Variants in GPRIN1 observed in about 807,000 individuals in gnomAD.
The protein encoded by GPRIN1 is G protein regulated inducer of neurite outgrowth 1.
GPRIN1 carries 4 observed loss-of-function variants against 2.8 expected under a neutral mutation model. That is an observed-to-expected ratio of 1.45 (90% CI 0.71 to 3.32). GPRIN1 has a LOEUF of 3.32. Ranked by LOEUF, GPRIN1 falls within the 30% of genes most tolerant of loss-of-function variation. The pLI, the probability that GPRIN1 is intolerant of heterozygous loss-of-function variation, is 0.01. For missense variants in GPRIN1, 1,322 were observed against 1,343.4 expected (o/e 0.98, Z 0.25); for synonymous variants, 589 against 589.9 (o/e 1.00, Z 0.02).
At position 176,597,221 on chromosome 5, in the gene GPRIN1, C is replaced by A; in HGVS notation, c.2614G>T (p.Ala872Ser). 2 of 1,267,532 alleles carry A rather than the reference C, an allele frequency of 1.6e-6. No individual in the cohort carries two copies. Among genetic ancestry groups the A allele is most frequent in the Non-Finnish European group, 2.0e-6 (2 of 1,007,460 alleles). The allele number at this position is 1,267,532 out of a possible 1,614,324, so 78.5% of individuals were successfully genotyped here. Residue 872 changes from alanine to serine, a missense_variant, in exon 2 of 2, where the codon GCC (alanine) becomes TCC (serine). This residue lies in a region of GPRIN1 where 1,117 missense variants were observed against 1,128.6 expected (regional missense o/e 0.99). Transcript: ENST00000303991. This position sits in a 1 kb window ranked among gnomAD's most constrained non-coding sequence, Gnocchi z 6.1. The stretch of plus-strand genomic sequence containing the variant: ...GCTTGAGGTGTCATGGGCCCAGTGG[C>A]CACGGAGCGCGTCTCGGCGGCGCCC... Reference protein sequence around the residue: ...SLGAAETRSVATGPMTPQAAA... With the variant: ...SLGAAETRSVSTGPMTPQAAA...
In GPRIN1 at chr5:176,597,411, C is replaced by G. The variant is rs1276915404; in HGVS notation, c.2424G>C (p.Pro808=). The stretch of plus-strand genomic sequence containing the variant: ...CCGCCTGAGTGCCCGCGTCCTCGCG[C>G]GGCGGCGGCGGGGCGCTCGCCTCCC... ...PSWEASAPPP[P]REDAGTQAGA... is the part of the protein sequence containing the mutation. Residue 808 remains proline (P), a synonymous_variant, in exon 2 of 2, where the codon CCG becomes CCC. Coordinates refer to ENST00000303991, the MANE Select transcript of GPRIN1 (RefSeq NM_052899.3). This position sits in a 1 kb window ranked among gnomAD's most constrained non-coding sequence, Gnocchi z 6.1. 7.8e-7 allele frequency: 1 copy of G among 1,286,118 alleles called. No individual in the cohort carries two copies. Among genetic ancestry groups the G allele is most frequent in the Non-Finnish European group, 9.8e-7 (1 of 1,021,100 alleles). 79.7% of individuals were successfully genotyped at this position (1,286,118 alleles called of 1,614,324 possible). A position where few individuals can be genotyped will look rare whatever the true frequency, so the allele number is the denominator to read the frequency against.
chr5:176,598,312 G>A lies in GPRIN1; in HGVS notation c.1523C>T (p.Ala508Val). The change falls in exon 2 of 2, where the codon GCA becomes GTA. Residue 508 changes from alanine to valine, a missense_variant. Coordinates refer to ENST00000303991, the MANE Select transcript of GPRIN1 (RefSeq NM_052899.3). Reference protein sequence around the residue: ...RSLGTAGPPSAVKAEPATGGK... With the variant: ...RSLGTAGPPSVVKAEPATGGK... Reference sequence around the variant, plus strand: ...CCCCGTCGCTGGCTCAGCCTTTACTGCAGATGGGGGACCTGCTGTCCCCAA... The same window carrying A: ...CCCCGTCGCTGGCTCAGCCTTTACTACAGATGGGGGACCTGCTGTCCCCAA... 6.2e-7 allele frequency: 1 copy of A among 1,613,824 alleles called. No individual in the cohort carries two copies. Among genetic ancestry groups the A allele is most frequent in the Non-Finnish European group, 8.5e-7 (1 of 1,179,830 alleles).
At chr5:176,609,766 G>T (rs1759282556) in intron 1 of GPRIN1, among the ~76,000 whole-genome samples, 1 of 151,152 alleles carries the variant, frequency 6.6e-6, no homozygotes, top group South Asian at 2.1e-4. Context: ...CAGGGCTGCG[G>T]GACCCGCCCC....
Position 176,610,012 on chromosome 5 carries a change from T to TGCTCCGGCTCCTGGGCGAGATGC in GPRIN1, c.-80_-58dup. 3 of 152,392 alleles carry TGCTCCGGCTCCTGGGCGAGATGC rather than the reference T, an allele frequency of 2.0e-5. No homozygotes were observed. Among genetic ancestry groups the TGCTCCGGCTCCTGGGCGAGATGC allele is most frequent in the African/African-American group, 4.8e-5 (2 of 41,246 alleles). 9.4% of individuals were successfully genotyped at this position (152,392 alleles called of 1,614,324 possible). ...CGCGGCGCTTACCAGGCAGTGCCGC[T>TGCTCCGGCTCCTGGGCGAGATGC]GCTCCGGCTCCTGGGCGAGATGCGC... On this transcript the variant is annotated 5_prime_UTR_variant, in exon 1 of 2. Coordinates refer to ENST00000303991, the MANE Select transcript of GPRIN1 (RefSeq NM_052899.3).
At position 176,608,638 on chromosome 5, in the gene GPRIN1, G is replaced by T. The variant is rs1479116762; in HGVS notation, c.-44+1361C>A. Among the ~76,000 whole-genome samples the T allele has an allele frequency of 2.6e-5, 4 of 152,340 alleles. No individual in the cohort carries two copies. In the East Asian group the frequency reaches 7.7e-4, roughly 29 times the overall value. ...GTTTGTGCCTCGTGGGGGCTACTTGGACCCTGTGGGTATCTCACTCCTAGG... is the reference window on the plus strand; with the variant it reads ...GTTTGTGCCTCGTGGGGGCTACTTGTACCCTGTGGGTATCTCACTCCTAGG... On this transcript the variant is annotated intron_variant, in intron 1 of 1. Coordinates refer to ENST00000303991, the MANE Select transcript of GPRIN1 (RefSeq NM_052899.3).
At chr5:176,600,944 AAAT>A (rs1759140538) in intron 1 of GPRIN1, among the ~76,000 whole-genome samples, 1 of 152,176 alleles carries the variant, frequency 6.6e-6, no homozygotes, top group Admixed American at 6.5e-5. Context: ...AAATTAATAA[AAAT>A]AATAAAGGGA....
intron 1 of GPRIN1, among the ~76,000 whole-genome samples, chr5:176,606,313 G>A (rs545298070): frequency 2.0e-5 from 3 of 152,342 alleles, no homozygotes; most frequent in South Asian, 4.1e-4. Context: ...GCTCCCAGGA[G>A]GGGGCAGGGG....
intron 1 of GPRIN1, among the ~76,000 whole-genome samples, chr5:176,604,348 G>A (rs555788282): frequency 3.2e-4 from 49 of 152,176 alleles, no homozygotes; most frequent in Non-Finnish European, 6.5e-4. Context: ...GCATGGTGGA[G>A]GAGGGGGGTT....
chr5:176,600,775 G>A (rs953211766), intron 1 of GPRIN1, among the ~76,000 whole-genome samples: 3 of 152,118 alleles, frequency 2.0e-5, no homozygotes, highest in Non-Finnish European at 4.4e-5. Flanking sequence ...AATTAGCCAG[G>A]TGTGGTGGTG....
At chr5:176,609,760 G>A (rs1035105826) in intron 1 of GPRIN1, among the ~76,000 whole-genome samples, 3 of 151,408 alleles carry the variant, frequency 2.0e-5, no homozygotes, top group Non-Finnish European at 4.4e-5. Flanking sequence ...TCGGCCCAGG[G>A]CTGCGGGACC....
intron 1 of GPRIN1, 133 bp downstream of exon 1, chr5:176,609,866 C>G (rs1351344536): frequency 6.6e-6 from 1 of 150,862 alleles, no homozygotes; most frequent in Non-Finnish European, 1.5e-5. Flanking sequence ...GGGCTCATGC[C>G]GCGCGAGGTG....
At position 176,598,705 on chromosome 5, in the gene GPRIN1, A is replaced by C; in HGVS notation, c.1130T>G (p.Met377Arg). Residue 377 changes from methionine (M) to arginine (R), a missense_variant, in exon 2 of 2, where the codon ATG (methionine) becomes AGG (arginine). Met to Arg is a moderately conservative substitution (Grantham distance 91, BLOSUM62 -1). Transcript: ENST00000303991. ...TKEDSRFLGKMDPASSGEGRP... is the reference protein window; with the variant it reads ...TKEDSRFLGKRDPASSGEGRP... ...CCCCTCTCCTGAGGAGGCAGGGTCC[A>C]TCTTTCCCAGGAACCGGGAGTCCTC... The C allele has an allele frequency of 1.1e-5, 18 of 1,614,078 alleles. No homozygotes were observed. Among genetic ancestry groups the C allele is most frequent in the Non-Finnish European group, 1.4e-5 (17 of 1,180,036 alleles).
intron 1 of GPRIN1, among the ~76,000 whole-genome samples, chr5:176,607,903 C>CTTTTTTTTTTTTTT (rs35368228): frequency 1.5e-5 from 1 of 67,354 alleles, no homozygotes; most frequent in Non-Finnish European, 2.6e-5. Context: ...ACACTTGGCT[C>CTTTTTTTTTTTTTT]TTTTTTTTTT....
chr5:176,597,117 C>T lies in GPRIN1; in HGVS notation c.2718G>A (p.Pro906=). 2 of 1,477,954 alleles carry T rather than the reference C, an allele frequency of 1.4e-6. No homozygotes were observed. Among genetic ancestry groups the T allele is most frequent in the African/African-American group, 1.4e-5 (1 of 69,462 alleles). 91.6% of individuals were successfully genotyped at this position (1,477,954 alleles called of 1,614,324 possible). ...ALAAAVAPPE[P]AEPVRDVSWD... The stretch of plus-strand genomic sequence containing the variant: ...AGCTCACGTCTCGCACGGGCTCAGC[C>T]GGCTCCGGGGGCGCTACAGCGGCCG... The change falls in exon 2 of 2, where the codon CCG becomes CCA. Residue 906 remains proline (P), a synonymous_variant. Transcript: ENST00000303991. The surrounding 1 kb of genome is among the most constrained non-coding windows in gnomAD (Gnocchi z 6.1).
intron 1 of GPRIN1, among the ~76,000 whole-genome samples, chr5:176,600,688 C>T (rs963058943): frequency 1.3e-5 from 2 of 151,954 alleles, no homozygotes; most frequent in Non-Finnish European, 2.9e-5. Context: ...CTGAGGCTGA[C>T]GGATCACTAG....
rs1461249603 is a variant in GPRIN1 at position 176,599,523 on chromosome 5, T to C, written c.312A>G (p.Ser104=). Reference sequence around the variant, plus strand: ...GTGCCTCCAATGTCTCCTTGGAGGGTGACTCCTGGGGAGAGAAGCAGGTTG... The same window carrying C: ...GTGCCTCCAATGTCTCCTTGGAGGGCGACTCCTGGGGAGAGAAGCAGGTTG... ...PSPTCFSPQE[S]PSKETLEAHG... is the part of the protein sequence containing the mutation. The change falls in exon 2 of 2, where the codon TCA becomes TCG. Residue 104 remains serine (S), a synonymous_variant. Coordinates refer to ENST00000303991, the MANE Select transcript of GPRIN1 (RefSeq NM_052899.3). 1.2e-6 allele frequency: 2 copies of C among 1,606,866 alleles called. No individual in the cohort carries two copies. Among genetic ancestry groups the C allele is most frequent in the East Asian group, 2.2e-5 (1 of 44,762 alleles).
At position 176,598,528 on chromosome 5, in the gene GPRIN1, G is replaced by A; in HGVS notation, c.1307C>T (p.Ser436Phe). 6.2e-7 allele frequency: 1 copy of A among 1,614,164 alleles called. No individual in the cohort carries two copies. The highest frequency in any genetic ancestry group is 1.3e-5 in the African/African-American group (1 of 75,050). The part of the protein sequence containing the change: ...PMCSGKPELL[S>F]PGQAERVSVG... ...AGACACACGCTCTGCCTGTCCAGGA[G>A]ACAAGAGCTCTGGCTTTCCTGAGCA... The change falls in exon 2 of 2, where the codon TCT becomes TTT. Residue 436 changes from serine to phenylalanine, a missense_variant. Transcript: ENST00000303991.
Position 176,598,309 on chromosome 5 carries a change from A to C in GPRIN1, c.1526T>G (p.Val509Gly), listed in dbSNP as rs1410923128. 4.3e-6 allele frequency: 7 copies of C among 1,613,430 alleles called. No individual in the cohort carries two copies. The African/African-American group carries it at 8.0e-5, about 18-fold the overall frequency. ...TCCCCCCGTCGCTGGCTCAGCCTTT[A>C]CTGCAGATGGGGGACCTGCTGTCCC... ...SLGTAGPPSA[V>G]KAEPATGGKG... Residue 509 changes from valine (V) to glycine (G), a missense_variant, in exon 2 of 2, where the codon GTA becomes GGA. Physicochemically the swap from Val to Gly is moderately radical, Grantham distance 109. This residue lies in a region of GPRIN1 where 1,117 missense variants were observed against 1,128.6 expected (regional missense o/e 0.99). Transcript: ENST00000303991.
chr5:176,607,903 C>CTTTTT lies in GPRIN1; in HGVS notation c.-44+2091_-44+2095dup, dbSNP rs35368228. On this transcript the variant is annotated intron_variant, in intron 1 of 1. Transcript: ENST00000303991. Reference sequence around the variant, plus strand: ...AGATCGTGGACACTGACACTTGGCTCTTTTTTTTTTTTTTTTTTTTTTTTT... The same window carrying CTTTTT: ...AGATCGTGGACACTGACACTTGGCTCTTTTTTTTTTTTTTTTTTTTTTTTTTTTTT... Among the ~76,000 whole-genome samples the CTTTTT allele has an allele frequency of 2.5e-4, 17 of 67,378 alleles. 5 individuals are homozygous for CTTTTT. Among genetic ancestry groups the CTTTTT allele is most frequent in the Non-Finnish European group, 2.9e-4 (11 of 38,280 alleles). 44.2% of individuals were successfully genotyped at this position (67,378 alleles called of 152,430 possible).
Sources: allele counts gnomAD v4.1 joint callset (sites outside exome capture counted in the v4.1 genomes callset), GRCh38; gene constraint gnomAD v4.1.1; regional missense constraint gnomAD v4.1.1; non-coding constraint Gnocchi (gnomAD v3.1); transcripts MANE v1.5; gene names NCBI Gene and HGNC (gene_info 2026-07-23, HGNC 2026-07-21).